CRYBB2: variants seen among roughly 807,000 people sequenced by gnomAD.
The protein encoded by CRYBB2 is crystallin beta B2, also known as beta-crystallin B2.
In CRYBB2, 12 loss-of-function variants were observed where a neutral mutation model predicts 24.3. The ratio of observed to expected loss-of-function variants is 0.49; its 90% CI spans 0.32 to 0.80. CRYBB2 has a LOEUF of 0.80. CRYBB2 is among the 30% of genes least tolerant of loss of function. The pLI is 0.04. For missense variants in CRYBB2, 198 were observed against 268.5 expected, an observed-to-expected ratio of 0.74 and a Z score of 1.83; for synonymous variants, 98 against 101.6, an observed-to-expected ratio of 0.96 and a Z score of 0.21.
intron 1 of CRYBB2, 113 bp downstream of exon 1, chr22:25,219,779 T>C (rs548410816): frequency 3.9e-5 from 6 of 152,376 alleles, no homozygotes; most frequent in Admixed American, 3.9e-4. Context: ...ACTTCAATGC[T>C]GTTAGCCTCA....
upstream of CRYBB2, among the ~76,000 whole-genome samples, chr22:25,218,190 C>T (rs953229005): frequency 4.0e-4 from 60 of 151,046 alleles, no homozygotes; most frequent in Non-Finnish European, 4.7e-4. Flanking sequence ...ACACGGGAGG[C>T]AGAGCTTGCA....
At chr22:25,220,171 G>A (rs1204236340) in intron 1 of CRYBB2, among the ~76,000 whole-genome samples, 1 of 152,180 alleles carries the variant, frequency 6.6e-6, no homozygotes, top group Non-Finnish European at 1.5e-5. Context: ...CTAAAGCATG[G>A]TAGAAATGAC....
chr22:25,216,223 AC>A (rs1935167875), upstream of CRYBB2, among the ~76,000 whole-genome samples: 1 of 152,124 alleles, frequency 6.6e-6, no homozygotes, highest in African/African-American at 2.4e-5. Flanking sequence ...CAAAGTCCTA[AC>A]CCCCAGTACC....
At chr22:25,230,751 G>T (rs548474123) in intron 5 of CRYBB2, among the ~76,000 whole-genome samples, 77 of 149,738 alleles carry the variant, frequency 5.1e-4, no homozygotes, top group African/African-American at 1.9e-3. Context: ...TAGGTGCCCA[G>T]GGTGAAGGAG....
chr22:25,218,708 GAGA>G (rs1447836374), upstream of CRYBB2, among the ~76,000 whole-genome samples: 9 of 36,458 alleles, frequency 2.5e-4, 1 homozygote, highest in African/African-American at 3.6e-4. Flanking sequence ...GAGAGAGGGG[GAGA>G]GAGAGAGAGA....
At chr22:25,229,090 G>A (rs201044989) in intron 4 of CRYBB2, among the ~76,000 whole-genome samples, 1 of 145,568 alleles carries the variant, frequency 6.9e-6, no homozygotes, top group Non-Finnish European at 1.5e-5. Flanking sequence ...CACATGTGTG[G>A]GTGTGCATGT....
chr22:25,228,950 AAG>A (rs1253225006), intron 4 of CRYBB2, among the ~76,000 whole-genome samples: 2 of 150,740 alleles, frequency 1.3e-5, no homozygotes, highest in African/African-American at 2.4e-5. Flanking sequence ...GTGTGCGCGC[AAG>A]TGTGTGCGTG....
At chr22:25,214,820 G>A (rs1007305843), upstream of CRYBB2, among the ~76,000 whole-genome samples, 1 of 152,196 alleles carries the variant, frequency 6.6e-6, no homozygotes, top group African/African-American at 2.4e-5. Flanking sequence ...CCTGATCTCT[G>A]AGTTCAAATC....
chr22:25,212,590 T>A (rs921854559), exon 1 of CRYBB2, among the ~76,000 whole-genome samples: 4 of 152,226 alleles, frequency 2.6e-5, no homozygotes, highest in Non-Finnish European at 5.9e-5. Context: ...GTCGGACATC[T>A]TTGATCTGCT....
At chr22:25,223,784 C>T (rs192484557) in intron 2 of CRYBB2, among the ~76,000 whole-genome samples, 1 of 152,230 alleles carries the variant, frequency 6.6e-6, no homozygotes, top group Admixed American at 6.5e-5. Context: ...CATCCAGGGG[C>T]AGTTTGCTGG....
At chr22:25,215,856 T>A (rs1935162245), upstream of CRYBB2, among the ~76,000 whole-genome samples, 1 of 152,182 alleles carries the variant, frequency 6.6e-6, no homozygotes, top group South Asian at 2.1e-4. Context: ...CAAAGATAGT[T>A]GTGAGGATTG....
At chr22:25,225,096 AGT>A in intron 3 of CRYBB2, 60 bp downstream of exon 3, 1 of 931,962 alleles carries the variant, frequency 1.1e-6, no homozygotes, top group Non-Finnish European at 1.8e-6. Flanking sequence ...CAAGTTGTGG[AGT>A]GGGGGAATCT....
upstream of CRYBB2, among the ~76,000 whole-genome samples, chr22:25,216,736 A>G (rs1038807112): frequency 2.0e-5 from 3 of 152,046 alleles, no homozygotes; most frequent in Admixed American, 6.6e-5. Context: ...CAGCTTTTCC[A>G]TCATCCCAAA....
upstream of CRYBB2, among the ~76,000 whole-genome samples, chr22:25,218,990 T>C (rs1208307691): frequency 6.6e-6 from 1 of 152,150 alleles, no homozygotes; most frequent in Non-Finnish European, 1.5e-5. Flanking sequence ...TGTCATGCTT[T>C]AGCTTTGTTA....
chr22:25,229,341 A>G (rs929537768), intron 4 of CRYBB2, 95 bp from the exon 5 acceptor site: 1 of 1,516,634 alleles, frequency 6.6e-7, no homozygotes, highest in African/African-American at 1.4e-5. Flanking sequence ...TGTGTGGGAC[A>G]TGCTGATCCC....
At chr22:25,228,406 C>T (rs373330527) in intron 4 of CRYBB2, among the ~76,000 whole-genome samples, 5,970 of 148,830 alleles carry the variant, frequency 0.04, 142 homozygotes, top group South Asian at 0.11. Context: ...ATCAGAAATA[C>T]TACAAGAAAT....
intron 1 of CRYBB2, among the ~76,000 whole-genome samples, chr22:25,221,162 C>G (rs1329777871): frequency 6.6e-6 from 1 of 152,204 alleles, no homozygotes. Flanking sequence ...TAGTTTATTA[C>G]TGCTCTCTTT....
chr22:25,225,684 C>A (rs1374719029), intron 3 of CRYBB2, among the ~76,000 whole-genome samples: 1 of 152,194 alleles, frequency 6.6e-6, no homozygotes, highest in East Asian at 1.9e-4. Context: ...GTAAAAGCCT[C>A]AGGATGTAGG....
In CRYBB2 at chr22:25,229,659, C is replaced by T. The variant is rs1262150614; in HGVS notation, c.449+81C>T. The T allele has an allele frequency of 3.4e-5, 53 of 1,579,614 alleles. No individual in the cohort carries two copies. The South Asian group carries it at 5.5e-4, about 16-fold the overall frequency. ...CCTAAGTCCTGCTCTGCCCTGTACA[C>T]GCTGGTGATCTTGCACACATCAGTG... On this transcript the variant is annotated intron_variant, in intron 5 of 5. Coordinates refer to ENST00000398215, the MANE Select transcript of CRYBB2 (RefSeq NM_000496.3).
Sources: gnomAD v4.1 joint callset for allele counts (sites outside exome capture counted in the v4.1 genomes callset) on GRCh38, gnomAD v4.1.1 for gene constraint, MANE v1.5 for transcripts, NCBI Gene and HGNC (gene_info 2026-07-23, HGNC 2026-07-21) for gene names.